Variants in DPP10 observed in about 807,000 individuals in gnomAD.
DPP10 encodes the protein inactive dipeptidyl peptidase 10.
Under a neutral mutation model 120.9 loss-of-function variants are expected in DPP10, and 33 were observed. The ratio of observed to expected loss-of-function variants is 0.27; its 90% CI spans 0.21 to 0.37. DPP10 has a LOEUF of 0.37. Among genes scored for constraint, DPP10 ranks in the 10% least tolerant of loss-of-function variants. The pLI, the probability that DPP10 is intolerant of heterozygous loss-of-function variation, is 1.00. For synonymous variants in DPP10, 337 were observed against 326.1 expected, an observed-to-expected ratio of 1.03 and a Z score of -0.36; for missense variants, 816 against 942.8, an observed-to-expected ratio of 0.87 and a Z score of 1.76.
At chr2:114,602,136 AT>A (rs1692421469) in intron 1 of DPP10, among the ~76,000 whole-genome samples, 1 of 151,904 alleles carries the variant, frequency 6.6e-6, no homozygotes. Context: ...TACCAATGGT[AT>A]TTTTTGTGGC....
chr2:114,960,805 A>G (rs914245624), intron 1 of DPP10, among the ~76,000 whole-genome samples: 3 of 152,144 alleles, frequency 2.0e-5, no homozygotes, highest in Admixed American at 6.5e-5. Flanking sequence ...TCTTCTGTCA[A>G]GTGGACATAA....
At chr2:115,826,807 C>T (rs1009088344) in intron 21 of DPP10, among the ~76,000 whole-genome samples, 8 of 152,104 alleles carry the variant, frequency 5.3e-5, no homozygotes, top group Non-Finnish European at 1.2e-4. Context: ...AAATCTTACT[C>T]CATTGTTTTT....
intron 1 of DPP10, among the ~76,000 whole-genome samples, chr2:115,072,518 C>T (rs1707450227): frequency 6.6e-6 from 1 of 152,072 alleles, no homozygotes; most frequent in Non-Finnish European, 1.5e-5. Context: ...CTTTGTGAGC[C>T]AATTATGAAT....
Position 115,836,721 on chromosome 2 carries a change from A to G in DPP10, c.2157A>G (p.Ile719Met), listed in dbSNP as rs781605645. ...TTCATGGCTTGAAAGAAGAAAATATATTAATAATTCATGGAACTGCTGACA... is the reference window on the plus strand; with the variant it reads ...TTCATGGCTTGAAAGAAGAAAATATGTTAATAATTCATGGAACTGCTGACA... ...HNVHGLKEENILIIHGTADTK... is the reference protein window; with the variant it reads ...HNVHGLKEENMLIIHGTADTK... The change falls in exon 24 of 26, where the codon ATA becomes ATG. Residue 719 changes from isoleucine (I) to methionine (M), a missense_variant. Around this residue, in one of 3 missense-constraint regions of DPP10, gnomAD observed 592 missense variants for 649.0 expected, o/e 0.91. Transcript: ENST00000410059. 6 of 1,613,274 alleles carry G rather than the reference A, an allele frequency of 3.7e-6. No individual in the cohort carries two copies. Among genetic ancestry groups the G allele is most frequent in the Non-Finnish European group, 4.2e-6 (5 of 1,179,670 alleles).
rs186850803 is a variant in DPP10, at chr2:115,244,790, T to C, written c.61-64449T>C. Among the ~76,000 whole-genome samples the C allele has an allele frequency of 1.3e-4, 18 of 142,952 alleles. 1 individual carries two copies. In the East Asian group the frequency reaches 3.5e-3, roughly 28 times the overall value. The allele number at this position is 142,952 out of a possible 152,430, so 93.8% of individuals were successfully genotyped here. A position where few individuals can be genotyped will look rare whatever the true frequency, so the allele number is the denominator to read the frequency against. On this transcript the variant is annotated intron_variant, in intron 1 of 25. Coordinates refer to ENST00000410059, the MANE Select transcript of DPP10 (RefSeq NM_020868.6). ...TGTGTTTACCATTGCTATATATATA[T>C]GTGTGTGTGTGTGTATATACATGTG...
intron 1 of DPP10, among the ~76,000 whole-genome samples, chr2:115,175,906 A>G (rs1303737383): frequency 2.6e-5 from 4 of 152,256 alleles, no homozygotes; most frequent in Non-Finnish European, 4.4e-5. Context: ...TAATGTGGGT[A>G]TGAATCACTT....
intron 1 of DPP10, among the ~76,000 whole-genome samples, chr2:115,085,506 T>C (rs1708617698): frequency 6.6e-6 from 1 of 152,242 alleles, no homozygotes; most frequent in Admixed American, 6.5e-5. Flanking sequence ...AATGAGTTTA[T>C]AGATATTACA....
At chr2:114,484,606 T>G (rs1681336308) in intron 1 of DPP10, among the ~76,000 whole-genome samples, 1 of 152,144 alleles carries the variant, frequency 6.6e-6, no homozygotes, top group Non-Finnish European at 1.5e-5. Flanking sequence ...TATGATTGTA[T>G]GTATGTCAGG....
At chr2:115,616,098 A>C (rs909237332) in intron 5 of DPP10, among the ~76,000 whole-genome samples, 4 of 152,174 alleles carry the variant, frequency 2.6e-5, no homozygotes, top group Non-Finnish European at 5.9e-5. Flanking sequence ...TTAGTGTCCC[A>C]AACCTGGGAC....
intron 1 of DPP10, among the ~76,000 whole-genome samples, chr2:114,683,201 A>G (rs185944422): frequency 1.6e-4 from 25 of 152,144 alleles, no homozygotes; most frequent in African/African-American, 5.3e-4. Flanking sequence ...ATGTTAATCA[A>G]CTGACTCAAT....
chr2:114,948,415 C>T (rs1433888895), intron 1 of DPP10, among the ~76,000 whole-genome samples: 1 of 151,854 alleles, frequency 6.6e-6, no homozygotes, highest in Non-Finnish European at 1.5e-5. Context: ...TATAGTTTGT[C>T]TTAAAAATCC....
intron 13 of DPP10, among the ~76,000 whole-genome samples, chr2:115,769,729 A>T (rs904005335): frequency 7.2e-5 from 11 of 151,986 alleles, no homozygotes; most frequent in Non-Finnish European, 1.5e-4. Flanking sequence ...AAATGATTAT[A>T]TAAGTCAGGT....
At chr2:115,338,248 A>T (rs1021139845) in intron 2 of DPP10, among the ~76,000 whole-genome samples, 2 of 152,114 alleles carry the variant, frequency 1.3e-5, no homozygotes, top group South Asian at 2.1e-4. Flanking sequence ...TAAGAATTCA[A>T]CGTGCTTGGT....
chr2:115,664,330 A>T (rs760609503), intron 5 of DPP10, among the ~76,000 whole-genome samples: 1 of 152,058 alleles, frequency 6.6e-6, no homozygotes, highest in Non-Finnish European at 1.5e-5. Context: ...TATTGATTAC[A>T]AATTTTTCAA....
chr2:114,912,236 T>G (rs1325587959), intron 1 of DPP10, among the ~76,000 whole-genome samples: 1 of 152,188 alleles, frequency 6.6e-6, no homozygotes, highest in African/African-American at 2.4e-5. Flanking sequence ...GTAAACATTT[T>G]CTCTCCATTT....
intron 8 of DPP10, among the ~76,000 whole-genome samples, chr2:115,738,018 C>G (rs1372837239): frequency 6.6e-6 from 1 of 152,136 alleles, no homozygotes; most frequent in Admixed American, 6.5e-5. Flanking sequence ...TAAAATTAAC[C>G]ACATACAGCA....
chr2:114,943,360 G>A (rs1697108903), intron 1 of DPP10, among the ~76,000 whole-genome samples: 1 of 151,980 alleles, frequency 6.6e-6, no homozygotes, highest in African/African-American at 2.4e-5. Flanking sequence ...TACAACCTCT[G>A]CCTCCCAGGT....
intron 8 of DPP10, among the ~76,000 whole-genome samples, chr2:115,730,754 A>G (rs750341120): frequency 2.6e-5 from 4 of 152,196 alleles, no homozygotes; most frequent in Non-Finnish European, 4.4e-5. Context: ...GGAGAGCAGA[A>G]CAAACGGGTA....
intron 5 of DPP10, among the ~76,000 whole-genome samples, chr2:115,642,926 C>A (rs566419413): frequency 7.0e-4 from 106 of 151,890 alleles, no homozygotes; most frequent in African/African-American, 2.4e-3. Flanking sequence ...ATAACCTGTC[C>A]AAATGTTTAT....
Sources: allele counts gnomAD v4.1 joint callset (sites outside exome capture counted in the v4.1 genomes callset), GRCh38; gene constraint gnomAD v4.1.1; regional missense constraint gnomAD v4.1.1; transcripts MANE v1.5; gene names NCBI Gene and HGNC (gene_info 2026-07-23, HGNC 2026-07-21).